The following RBFOX1 variants were observed in gnomAD, a reference collection of about 807,000 sequenced individuals.
The protein encoded by RBFOX1 is RNA binding protein fox-1 homolog 1.
Under a neutral mutation model 57.7 loss-of-function variants are expected in RBFOX1, and 8 were observed. The observed-to-expected ratio is 0.14, with a 90% CI of 0.08 to 0.25. The LOEUF (loss-of-function observed/expected upper bound fraction) is 0.25, where lower values mean the gene tolerates loss of function less well. Among genes scored for constraint, RBFOX1 ranks in the 10% least tolerant of loss-of-function variants. The probability of loss-of-function intolerance (pLI) is 1.00; values close to 1 mark genes in which losing one functional copy is unlikely to be tolerated. For synonymous variants in RBFOX1, 326 were observed against 222.4 expected (o/e 1.47, Z -4.15); for missense variants, 611 against 548.5 (o/e 1.11, Z -1.14).
At chr16:6,960,668 C>G (rs375403076) in intron 3 of RBFOX1, among the ~76,000 whole-genome samples, 12 of 152,044 alleles carry the variant, frequency 7.9e-5, no homozygotes, top group Non-Finnish European at 1.3e-4. Context: ...AGGACATACT[C>G]TTGCAGGACC....
chr16:7,101,766 G>A (rs2062734828), intron 4 of RBFOX1, among the ~76,000 whole-genome samples: 1 of 152,028 alleles, frequency 6.6e-6, no homozygotes, highest in African/African-American at 2.4e-5. Context: ...GCCTGTCCTG[G>A]TCCTCTTTCC....
intron 1 of RBFOX1, among the ~76,000 whole-genome samples, chr16:6,246,055 G>A (rs2097567511): frequency 6.6e-6 from 1 of 152,084 alleles, no homozygotes; most frequent in Non-Finnish European, 1.5e-5. Context: ...CAGAATTATT[G>A]TGGTTTTAAG....
intron 2 of RBFOX1, among the ~76,000 whole-genome samples, chr16:5,582,809 C>A (rs1206326697): frequency 6.6e-6 from 1 of 152,078 alleles, no homozygotes; most frequent in African/African-American, 2.4e-5. Flanking sequence ...ATCAGTTCAG[C>A]CCCAAGTGCA....
chr16:6,906,884 G>T (rs2070135656), intron 3 of RBFOX1, among the ~76,000 whole-genome samples: 1 of 151,866 alleles, frequency 6.6e-6, no homozygotes. Context: ...CACCCCACCT[G>T]GTTAATTTTT....
At chr16:7,575,283 C>T (rs752015248) in intron 5 of RBFOX1, among the ~76,000 whole-genome samples, 61 of 152,062 alleles carry the variant, frequency 4.0e-4, no homozygotes, top group Middle Eastern at 3.4e-3. Flanking sequence ...TACAGGTGCG[C>T]GCTACCCCAC....
chr16:7,630,771 C>T (rs2060820925), intron 11 of RBFOX1, 88 bp downstream of exon 11: 1 of 1,560,706 alleles, frequency 6.4e-7, no homozygotes, highest in Non-Finnish European at 8.7e-7. Flanking sequence ...CTCCCCCTCC[C>T]TCTGCCCCAC....
At chr16:6,756,464 T>G (rs1391040463) in intron 3 of RBFOX1, among the ~76,000 whole-genome samples, 1 of 152,030 alleles carries the variant, frequency 6.6e-6, no homozygotes, top group Non-Finnish European at 1.5e-5. Context: ...AATATACAAA[T>G]AGGACTATAT....
intron 3 of RBFOX1, among the ~76,000 whole-genome samples, chr16:5,628,216 G>A (rs2048400546): frequency 6.6e-6 from 1 of 152,208 alleles, no homozygotes; most frequent in Non-Finnish European, 1.5e-5. Context: ...GCAGCCCAGT[G>A]TTTGAGTTGA....
intron 1 of RBFOX1, chr16:5,365,712 T>TC: frequency 2.6e-6 from 1 of 383,634 alleles, no homozygotes; most frequent in Non-Finnish European, 5.0e-6. Flanking sequence ...CTGGTGTGAT[T>TC]CCGTCCTGCA....
At chr16:6,773,933 GTT>G (rs1017542233) in intron 3 of RBFOX1, 2 of 985,078 alleles carry the variant, frequency 2.0e-6, no homozygotes, top group African/African-American at 3.5e-5. Context: ...TGTGGAGTGT[GTT>G]TGTGTGTGTG....
intron 2 of RBFOX1, among the ~76,000 whole-genome samples, chr16:6,510,855 A>G (rs2096241790): frequency 7.2e-6 from 1 of 139,074 alleles, no homozygotes; most frequent in Non-Finnish European, 1.6e-5. Context: ...CTGCACCCTT[A>G]AAAAAAAAAA....
intron 3 of RBFOX1, among the ~76,000 whole-genome samples, chr16:6,696,144 G>A (rs986315025): frequency 6.6e-6 from 1 of 152,140 alleles, no homozygotes; most frequent in Admixed American, 6.5e-5. Context: ...TATACTGCGT[G>A]TTTTTGTAGA....
chr16:5,321,846 G>C (rs1315390658), intron 1 of RBFOX1, among the ~76,000 whole-genome samples: 1 of 152,154 alleles, frequency 6.6e-6, no homozygotes, highest in Admixed American at 6.5e-5. Context: ...TTCTGAGCCT[G>C]TCTTCATCCA....
intron 4 of RBFOX1, among the ~76,000 whole-genome samples, chr16:5,979,835 C>G (rs746701797): frequency 6.6e-6 from 1 of 152,194 alleles, no homozygotes; most frequent in Admixed American, 6.5e-5. Context: ...GCGCTCCAGC[C>G]TGGCAACAGA....
At position 7,340,620 on chromosome 16, in the gene RBFOX1, A is replaced by G. The variant is rs150940400; in HGVS notation, c.28-177527A>G. Among the ~76,000 whole-genome samples the G allele has an allele frequency of 1.5e-3, 235 of 152,316 alleles. 2 individuals carry two copies. In the East Asian group the frequency reaches 0.038, roughly 25 times the overall value. On this transcript the variant is annotated intron_variant, in intron 4 of 15. Transcript: ENST00000550418. ...GTGCAAGATTGTGTTTCTCAGATTC[A>G]TGATCCATGCAGCCACACCACTTCT...
At position 5,908,113 on chromosome 16, in the gene RBFOX1, C is replaced by CATATATACACATAT. The variant is rs1400051303; in HGVS notation, c.351+40796_351+40809dup. Among the ~76,000 whole-genome samples the CATATATACACATAT allele has an allele frequency of 2.9e-5, 4 of 136,110 alleles. 1 individual carries two copies. Among genetic ancestry groups the CATATATACACATAT allele is most frequent in the African/African-American group, 1.3e-4 (4 of 30,260 alleles). 89.3% of individuals were successfully genotyped at this position (136,110 alleles called of 152,430 possible). A position where few individuals can be genotyped will look rare whatever the true frequency, so the allele number is the denominator to read the frequency against. On this transcript the variant is annotated intron_variant, in intron 4 of 19. Coordinates refer to the RBFOX1 transcript ENST00000641259. Reference sequence around the variant, plus strand: ...ACATATATACACATATATATATACACATATATACACATATATATATACACA... The same window carrying CATATATACACATAT: ...ACATATATACACATATATATATACACATATATACACATATATATATACACATATATATATACACA...
chr16:5,945,298 G>A (rs893012005), intron 4 of RBFOX1, among the ~76,000 whole-genome samples: 3 of 152,186 alleles, frequency 2.0e-5, no homozygotes, highest in Non-Finnish European at 4.4e-5. Context: ...GTCTGATGTT[G>A]TGTCTGGAGT....
intron 4 of RBFOX1, among the ~76,000 whole-genome samples, chr16:7,110,187 C>CAA (rs59148096): frequency 0.015 from 2,052 of 135,106 alleles, 42 homozygotes; most frequent in African/African-American, 0.044. Context: ...CCCCGTGTCT[C>CAA]AAAAAAAAAA....
intron 4 of RBFOX1, among the ~76,000 whole-genome samples, chr16:7,316,973 CACACACACACACAA>C (rs1041939399): frequency 1.3e-5 from 2 of 151,114 alleles, no homozygotes; most frequent in African/African-American, 4.9e-5. Flanking sequence ...AACACACACA[CACACACACACACAA>C]ACACACACAC....
Sources: gnomAD v4.1 joint callset for allele counts (sites outside exome capture counted in the v4.1 genomes callset) on GRCh38, gnomAD v4.1.1 for gene constraint, MANE v1.5 for transcripts, NCBI Gene and HGNC (gene_info 2026-07-23, HGNC 2026-07-21) for gene names.